Variants in SYNE2 observed in about 807,000 individuals in gnomAD.
The protein encoded by SYNE2 is nesprin-2.
SYNE2 carries 431 observed loss-of-function variants against 856.3 expected under a neutral mutation model. The ratio of observed to expected loss-of-function variants is 0.50; its 90% CI spans 0.47 to 0.55. SYNE2 has a LOEUF of 0.55. Ranked by LOEUF, SYNE2 falls within the 20% of genes least tolerant of loss-of-function variation. The pLI is 0.00. For synonymous variants in SYNE2, 2,923 were observed against 2,872.3 expected (o/e 1.02, Z -0.56); for missense variants, 8,129 against 8,023.2 (o/e 1.01, Z -0.50).
At chr14:64,221,822 A>G (rs185730818) in intron 112 of SYNE2, 118 bp downstream of exon 112, 9 of 1,242,924 alleles carry the variant, frequency 7.2e-6, no homozygotes, top group Admixed American at 6.9e-5. Context: ...GTTTGCCTGT[A>G]AATGCACGAG....
chr14:63,869,166 T>C (rs1464977038), intron 1 of SYNE2, among the ~76,000 whole-genome samples: 1 of 152,208 alleles, frequency 6.6e-6, no homozygotes, highest in Non-Finnish European at 1.5e-5. Flanking sequence ...AGGTGGAAAC[T>C]GATGAAAAGT....
intron 2 of SYNE2, among the ~76,000 whole-genome samples, chr14:63,925,409 TTA>T (rs140764947): frequency 0.46 from 69,845 of 151,954 alleles, 17,889 homozygotes; most frequent in Non-Finnish European, 0.56. Flanking sequence ...TTGTATATAT[TTA>T]TGAGTTACAT....
intron 1 of SYNE2, among the ~76,000 whole-genome samples, chr14:63,813,243 G>T (rs1157734144): frequency 6.6e-6 from 1 of 152,182 alleles, no homozygotes; most frequent in Non-Finnish European, 1.5e-5. Flanking sequence ...ATTTTGGAAA[G>T]AAATTAGTCT....
rs764422613 is a variant in SYNE2, at chr14:64,056,012, C to T, written c.9813C>T (p.Ser3271=). The T allele has an allele frequency of 5.8e-5, 93 of 1,613,944 alleles. No homozygotes were observed. The highest frequency in any genetic ancestry group is 7.6e-5 in the Non-Finnish European group (90 of 1,179,954). Reference sequence around the variant, plus strand: ...AAGCAGTCACCAGGGCAGTGGAGAGCATCACTTCCCTCGAAGCCATCATTA... The same window carrying T: ...AAGCAGTCACCAGGGCAGTGGAGAGTATCACTTCCCTCGAAGCCATCATTA... The part of the protein sequence containing the change: ...YKEAVTRAVE[S]ITSLEAIIIP... The change falls in exon 49 of 116, where the codon AGC becomes AGT. Residue 3271 remains serine, a synonymous_variant. Transcript: ENST00000555002.
At chr14:64,099,123 G>A in intron 63 of SYNE2, 2 of 390,130 alleles carry the variant, frequency 5.1e-6, no homozygotes, top group East Asian at 5.9e-5. Context: ...AGAGCATGCT[G>A]TTTGGCACTC....
intron 1 of SYNE2, among the ~76,000 whole-genome samples, chr14:63,798,435 C>T (rs1888006885): frequency 6.6e-6 from 1 of 150,494 alleles, no homozygotes; most frequent in Non-Finnish European, 1.5e-5. Context: ...CTCCTGTCTC[C>T]CAGGCTGGAA....
intron 45 of SYNE2, among the ~76,000 whole-genome samples, chr14:64,038,006 G>A (rs1451122714): frequency 1.3e-5 from 2 of 151,238 alleles, no homozygotes; most frequent in Non-Finnish European, 3.0e-5. Context: ...CTTCCCAGAC[G>A]GGGTGGCTGC....
intron 1 of SYNE2, among the ~76,000 whole-genome samples, chr14:63,803,460 C>T (rs1888237945): frequency 6.6e-6 from 1 of 152,224 alleles, no homozygotes; most frequent in Non-Finnish European, 1.5e-5. Context: ...TGCCGGTGGG[C>T]TGGCACTGCT....
intron 51 of SYNE2, among the ~76,000 whole-genome samples, chr14:64,066,368 C>T (rs1014959944): frequency 6.6e-6 from 1 of 152,032 alleles, no homozygotes; most frequent in Non-Finnish European, 1.5e-5. Flanking sequence ...CATGGTGGCA[C>T]ATGCCTGTAG....
chr14:64,089,378 A>G (rs2097588807), intron 58 of SYNE2, among the ~76,000 whole-genome samples, 196 bp from the exon 59 acceptor site: 2 of 145,944 alleles, frequency 1.4e-5, no homozygotes, highest in Non-Finnish European at 3.0e-5. Flanking sequence ...GGAAAAAAAA[A>G]AAAAAAAAAA....
chr14:63,957,340 C>CTCACCGCAGCTTCCATCTCCTTGGT (rs1170240576), intron 8 of SYNE2, among the ~76,000 whole-genome samples: 9 of 144,376 alleles, frequency 6.2e-5, no homozygotes, highest in Admixed American at 2.9e-4. Context: ...GTGATCTTGG[C>CTCACCGCAGCTTCCATCTCCTTGGT]TCACCGCAGC....
chr14:63,942,906 C>T (rs951069043), intron 6 of SYNE2, among the ~76,000 whole-genome samples: 2 of 152,218 alleles, frequency 1.3e-5, no homozygotes, highest in East Asian at 1.9e-4. Flanking sequence ...GCAGGGATTA[C>T]AGGCATGAGC....
At chr14:63,895,302 G>T (rs899145489) in intron 1 of SYNE2, among the ~76,000 whole-genome samples, 19 of 151,168 alleles carry the variant, frequency 1.3e-4, no homozygotes, top group Non-Finnish European at 2.5e-4. Context: ...GTAGAGACAG[G>T]GTTTCACCAT....
At chr14:63,978,474 A>G (rs2096561339) in intron 13 of SYNE2, among the ~76,000 whole-genome samples, 1 of 152,228 alleles carries the variant, frequency 6.6e-6, no homozygotes, top group Non-Finnish European at 1.5e-5. Context: ...TATTAGAATA[A>G]TAAGAGGGTG....
intron 1 of SYNE2, among the ~76,000 whole-genome samples, chr14:63,793,098 A>C (rs1337876580): frequency 6.6e-6 from 1 of 152,196 alleles, no homozygotes; most frequent in African/African-American, 2.4e-5. Context: ...ACATTATGTC[A>C]CTAATAGAAT....
At chr14:63,901,017 T>A (rs771506967) in intron 1 of SYNE2, among the ~76,000 whole-genome samples, 1 of 152,216 alleles carries the variant, frequency 6.6e-6, no homozygotes, top group Non-Finnish European at 1.5e-5. Flanking sequence ...ATCACTCTGT[T>A]AAAGAAATAA....
chr14:63,955,578 T>A (rs965867495), intron 8 of SYNE2, among the ~76,000 whole-genome samples: 2 of 152,172 alleles, frequency 1.3e-5, no homozygotes, highest in African/African-American at 4.8e-5. Context: ...ATGGGATTAG[T>A]GAAAATTATG....
At chr14:64,088,953 A>G (rs1306176257) in intron 58 of SYNE2, among the ~76,000 whole-genome samples, 1 of 152,260 alleles carries the variant, frequency 6.6e-6, no homozygotes, top group Non-Finnish European at 1.5e-5. Context: ...ATAATTCTAT[A>G]TACCTTCTTA....
chr14:64,002,121 C>T (rs761448136), intron 29 of SYNE2, 40 bp downstream of exon 29: 143 of 1,489,070 alleles, frequency 9.6e-5, no homozygotes, highest in East Asian at 1.4e-4. Context: ...ACAGAATAAT[C>T]GAGTCTTTTG....
Sources: gnomAD v4.1 joint callset for allele counts (sites outside exome capture counted in the v4.1 genomes callset) on GRCh38, gnomAD v4.1.1 for gene constraint, MANE v1.5 for transcripts, NCBI Gene and HGNC (gene_info 2026-07-23, HGNC 2026-07-21) for gene names.